The following RASGRF2 variants were observed in gnomAD, a reference collection of about 807,000 sequenced individuals.
The protein encoded by RASGRF2 is Ras protein specific guanine nucleotide releasing factor 2.
RASGRF2 carries 76 observed loss-of-function variants against 151.0 expected under a neutral mutation model. The observed-to-expected ratio is 0.50, with a 90% CI of 0.42 to 0.61. RASGRF2 has a LOEUF of 0.61. Ranked by LOEUF, RASGRF2 falls within the 20% of genes least tolerant of loss-of-function variation. The probability of loss-of-function intolerance (pLI) is 0.00; values close to 1 mark genes in which losing one functional copy is unlikely to be tolerated. For synonymous variants in RASGRF2, 504 were observed against 566.5 expected, an observed-to-expected ratio of 0.89 and a Z score of 1.57; for missense variants, 1,148 against 1,564.6, an observed-to-expected ratio of 0.73 and a Z score of 4.49.
intron 17 of RASGRF2, among the ~76,000 whole-genome samples, chr5:81,152,303 A>G (rs991551290): frequency 6.6e-6 from 1 of 152,156 alleles, no homozygotes; most frequent in Non-Finnish European, 1.5e-5. Flanking sequence ...CACCTGGCCG[A>G]GATATTTTTG....
chr5:80,975,770 T>C (rs1361725453), intron 1 of RASGRF2, among the ~76,000 whole-genome samples: 1 of 152,204 alleles, frequency 6.6e-6, no homozygotes, highest in Admixed American at 6.5e-5. Flanking sequence ...AAACTTGGCT[T>C]TTAGGTATTT....
chr5:81,083,118 T>C (rs1034523179), intron 7 of RASGRF2, among the ~76,000 whole-genome samples: 2 of 152,346 alleles, frequency 1.3e-5, no homozygotes, highest in East Asian at 3.9e-4. Context: ...TGCAGTTCTT[T>C]CACTAATGAA....
intron 18 of RASGRF2, among the ~76,000 whole-genome samples, chr5:81,194,996 C>T (rs1354674573): frequency 6.6e-6 from 1 of 152,234 alleles, no homozygotes; most frequent in Non-Finnish European, 1.5e-5. Context: ...TTCGAATCCT[C>T]TCTCTCCACA....
rs34067957 is a variant in RASGRF2, at chr5:81,194,179, TA to T, written c.2794-7133del. Among the ~76,000 whole-genome samples the T allele has an allele frequency of 7.3e-3, 959 of 130,942 alleles. 2 individuals are homozygous for T. Among genetic ancestry groups the T allele is most frequent in the South Asian group, 0.013 (51 of 3,862 alleles). The allele number at this position is 130,942 out of a possible 152,430, so 85.9% of individuals were successfully genotyped here. ...GGCAGCATAGAGAGAGCCCCATCTC[TA>T]AAAAAAAAAAAAAAAAATCTTAAAA... On this transcript the variant is annotated intron_variant, in intron 18 of 26. Coordinates refer to ENST00000265080, the MANE Select transcript of RASGRF2 (RefSeq NM_006909.3).
At chr5:81,073,127 T>A in intron 4 of RASGRF2, 72 bp from the exon 5 acceptor site, 1 of 1,487,740 alleles carries the variant, frequency 6.7e-7, no homozygotes, top group Admixed American at 2.1e-5. Context: ...TTTAATTATA[T>A]TTCATGTTCT....
At chr5:81,084,034 C>A (rs904097168) in intron 7 of RASGRF2, among the ~76,000 whole-genome samples, 8 of 152,180 alleles carry the variant, frequency 5.3e-5, no homozygotes, top group Non-Finnish European at 7.3e-5. Flanking sequence ...CGTTTGCCTG[C>A]TTTTTGGCAG....
At chr5:81,149,805 C>G (rs1754093346) in intron 17 of RASGRF2, among the ~76,000 whole-genome samples, 1 of 152,092 alleles carries the variant, frequency 6.6e-6, no homozygotes, top group Non-Finnish European at 1.5e-5. Context: ...GTATCTAATT[C>G]AGTGGATCCT....
chr5:80,981,135 A>G (rs1245662488), intron 1 of RASGRF2, among the ~76,000 whole-genome samples: 3 of 152,228 alleles, frequency 2.0e-5, no homozygotes, highest in African/African-American at 7.2e-5. Context: ...AGTCACTGTT[A>G]AGAAGTGAAA....
Position 81,059,801 on chromosome 5 carries a change from G to A in RASGRF2, c.396-8231G>A, listed in dbSNP as rs372951869. Among the ~76,000 whole-genome samples the A allele has an allele frequency of 4.8e-4, 73 of 152,002 alleles. No homozygotes were observed. In the East Asian group the frequency reaches 0.012, roughly 25 times the overall value. On this transcript the variant is annotated intron_variant, in intron 2 of 26. Coordinates refer to ENST00000265080, the MANE Select transcript of RASGRF2 (RefSeq NM_006909.3). ...GGAGGTTGCAGTAAGCTGAGATCGC[G>A]CCACTCCACTCCAGCCTGGGCAACA...
At chr5:81,028,018 A>G (rs1168275614) in intron 1 of RASGRF2, among the ~76,000 whole-genome samples, 1 of 152,136 alleles carries the variant, frequency 6.6e-6, no homozygotes, top group Non-Finnish European at 1.5e-5. Context: ...AATATCTGCA[A>G]CATCACCATG....
intron 1 of RASGRF2, among the ~76,000 whole-genome samples, chr5:81,027,659 G>T (rs905835309): frequency 1.3e-5 from 2 of 152,176 alleles, no homozygotes; most frequent in African/African-American, 4.8e-5. Flanking sequence ...AATATGCTTT[G>T]AAAAATTAAA....
intron 22 of RASGRF2, among the ~76,000 whole-genome samples, chr5:81,211,712 CT>C (rs888462897): frequency 6.6e-6 from 1 of 151,646 alleles, no homozygotes; most frequent in African/African-American, 2.4e-5. Context: ...TCTCATTTCA[CT>C]TTTTTTTTCC....
intron 17 of RASGRF2, among the ~76,000 whole-genome samples, chr5:81,135,618 C>T (rs578199981): frequency 1.3e-5 from 2 of 152,262 alleles, no homozygotes; most frequent in South Asian, 4.1e-4. Context: ...TCACTTGATC[C>T]TTTTTACTGT....
intron 2 of RASGRF2, among the ~76,000 whole-genome samples, chr5:81,064,847 G>A (rs1039174008): frequency 5.3e-5 from 8 of 152,116 alleles, no homozygotes; most frequent in Admixed American, 2.6e-4. Flanking sequence ...TCCTTGATTA[G>A]GTTATGTTAT....
chr5:81,004,895 C>T (rs760092043), intron 1 of RASGRF2, among the ~76,000 whole-genome samples: 6 of 152,174 alleles, frequency 3.9e-5, no homozygotes, highest in Non-Finnish European at 8.8e-5. Flanking sequence ...TTGCTTGGAA[C>T]AGAGTGCAGT....
chr5:81,014,694 A>G (rs1450607935), intron 1 of RASGRF2, among the ~76,000 whole-genome samples: 1 of 152,160 alleles, frequency 6.6e-6, no homozygotes, highest in Non-Finnish European at 1.5e-5. Flanking sequence ...TAAAATAAGG[A>G]ATGTTCCTAT....
At chr5:81,077,922 G>A (rs959408812) in intron 5 of RASGRF2, among the ~76,000 whole-genome samples, 13 of 152,078 alleles carry the variant, frequency 8.5e-5, no homozygotes, top group Admixed American at 5.2e-4. Context: ...GGAAAGGCCA[G>A]GTTTATCATA....
At chr5:81,022,405 T>C (rs1749859806) in intron 1 of RASGRF2, among the ~76,000 whole-genome samples, 1 of 152,140 alleles carries the variant, frequency 6.6e-6, no homozygotes, top group South Asian at 2.1e-4. Flanking sequence ...ATCTTACTGA[T>C]TTACAGGATG....
At chr5:81,121,353 C>G (rs1753302787) in intron 15 of RASGRF2, among the ~76,000 whole-genome samples, 1 of 152,172 alleles carries the variant, frequency 6.6e-6, no homozygotes, top group Admixed American at 6.5e-5. Context: ...TGTATAATAT[C>G]AGTTTTGCCA....
Sources: allele counts gnomAD v4.1 joint callset (sites outside exome capture counted in the v4.1 genomes callset), GRCh38; gene constraint gnomAD v4.1.1; transcripts MANE v1.5; gene names NCBI Gene and HGNC (gene_info 2026-07-23, HGNC 2026-07-21).